NEGR1: variants seen among roughly 807,000 people sequenced by gnomAD.
The protein encoded by NEGR1 is neuronal growth regulator 1, also known as IgLON family member 4.
NEGR1 carries 10 observed loss-of-function variants against 40.9 expected under a neutral mutation model. The ratio of observed to expected loss-of-function variants is 0.24; its 90% CI spans 0.15 to 0.42. NEGR1 has a LOEUF of 0.42. Ranked by LOEUF, NEGR1 falls within the 10% of genes least tolerant of loss-of-function variation. NEGR1 has a pLI of 1.00. For missense variants in NEGR1, 352 were observed against 438.9 expected (o/e 0.80, Z 1.77); for synonymous variants, 185 against 166.8 (o/e 1.11, Z -0.84).
At chr1:72,275,139 CG>C (rs1265497942) in intron 1 of NEGR1, 14 of 723,996 alleles carry the variant, frequency 1.9e-5, no homozygotes, top group Non-Finnish European at 3.3e-5. Flanking sequence ...CCCGCACGTA[CG>C]ATGCCACCCA....
intron 1 of NEGR1, among the ~76,000 whole-genome samples, chr1:72,078,452 C>T (rs1647843561): frequency 6.6e-6 from 1 of 151,994 alleles, no homozygotes; most frequent in South Asian, 2.1e-4. Flanking sequence ...TACAAACACT[C>T]TAACCTTGAA....
At chr1:71,671,165 A>G (rs983617792) in intron 4 of NEGR1, among the ~76,000 whole-genome samples, 1 of 152,200 alleles carries the variant, frequency 6.6e-6, no homozygotes. Flanking sequence ...TGATGGGACA[A>G]TATGATAGGG....
chr1:71,719,778 G>GC (rs992400432), intron 3 of NEGR1, among the ~76,000 whole-genome samples: 1 of 151,764 alleles, frequency 6.6e-6, no homozygotes, highest in Non-Finnish European at 1.5e-5. Flanking sequence ...CCTCCCCCAG[G>GC]CCCCCACCCC....
At chr1:72,261,422 A>C (rs1048101523) in intron 1 of NEGR1, among the ~76,000 whole-genome samples, 6 of 152,254 alleles carry the variant, frequency 3.9e-5, no homozygotes, top group Middle Eastern at 6.8e-3. Flanking sequence ...GGTTTAAAGA[A>C]ATACTTCTCA....
At chr1:71,766,172 CAA>C (rs35894619) in intron 3 of NEGR1, among the ~76,000 whole-genome samples, 15,640 of 109,996 alleles carry the variant, frequency 0.14, 864 homozygotes, top group Non-Finnish European at 0.19. Flanking sequence ...GACTCCGTCT[CAA>C]AAAAAAAAAA....
intron 1 of NEGR1, among the ~76,000 whole-genome samples, chr1:72,234,221 C>T (rs903198534): frequency 3.9e-5 from 6 of 151,966 alleles, no homozygotes; most frequent in African/African-American, 1.2e-4. Context: ...CACTAGTAAG[C>T]GAGAACATGG....
At chr1:71,592,447 T>C (rs1350859683) in intron 6 of NEGR1, among the ~76,000 whole-genome samples, 1 of 152,130 alleles carries the variant, frequency 6.6e-6, no homozygotes, top group Admixed American at 6.6e-5. Flanking sequence ...AAGAGTAAAT[T>C]CAAGCCATGT....
intron 4 of NEGR1, 180 bp downstream of exon 4, chr1:71,697,828 A>T: frequency 1.7e-6 from 1 of 589,802 alleles, no homozygotes. Flanking sequence ...TACTTGGGAC[A>T]ATTGTTGTTA....
intron 1 of NEGR1, among the ~76,000 whole-genome samples, chr1:72,206,405 G>C (rs1381335486): frequency 6.6e-6 from 1 of 152,092 alleles, no homozygotes. Flanking sequence ...AAAGTTCATT[G>C]TAAGTATTCA....
At chr1:71,820,359 G>A (rs1167556968) in intron 2 of NEGR1, among the ~76,000 whole-genome samples, 1 of 151,960 alleles carries the variant, frequency 6.6e-6, no homozygotes, top group African/African-American at 2.4e-5. Context: ...TGAAGATGTG[G>A]CACTGACTAG....
chr1:71,756,469 T>C (rs1022456741), intron 3 of NEGR1, among the ~76,000 whole-genome samples: 1 of 149,742 alleles, frequency 6.7e-6, no homozygotes, highest in South Asian at 2.1e-4. Flanking sequence ...ACAGCGAGGG[T>C]TGAGAAGCCA....
At chr1:71,457,132 C>A (rs944384300) in intron 6 of NEGR1, among the ~76,000 whole-genome samples, 4 of 152,146 alleles carry the variant, frequency 2.6e-5, no homozygotes, top group African/African-American at 7.2e-5. Context: ...ATTCACAAGG[C>A]ATCTCACTTC....
At chr1:72,197,101 C>T (rs959347847) in intron 1 of NEGR1, among the ~76,000 whole-genome samples, 1 of 151,830 alleles carries the variant, frequency 6.6e-6, no homozygotes, top group Non-Finnish European at 1.5e-5. Flanking sequence ...GAAGAATACA[C>T]AAAGAGTTAT....
chr1:71,925,991 T>C (rs1264788369), intron 2 of NEGR1, among the ~76,000 whole-genome samples: 3 of 152,120 alleles, frequency 2.0e-5, no homozygotes, highest in African/African-American at 7.2e-5. Flanking sequence ...AGGCAACAAA[T>C]ATAACCACTT....
At chr1:72,033,079 A>G (rs1646873315) in intron 1 of NEGR1, among the ~76,000 whole-genome samples, 1 of 152,156 alleles carries the variant, frequency 6.6e-6, no homozygotes, top group African/African-American at 2.4e-5. Context: ...TTACTCACAG[A>G]ATCAAAATTT....
intron 2 of NEGR1, among the ~76,000 whole-genome samples, chr1:71,917,065 T>G (rs1661605415): frequency 6.6e-6 from 1 of 152,178 alleles, no homozygotes; most frequent in African/African-American, 2.4e-5. Context: ...GTGTCAATGC[T>G]CATTGTTTTA....
chr1:71,778,243 A>G (rs1323634629), intron 2 of NEGR1, among the ~76,000 whole-genome samples: 1 of 152,124 alleles, frequency 6.6e-6, no homozygotes, highest in Non-Finnish European at 1.5e-5. Flanking sequence ...TGGTTCAATT[A>G]TAATGTTTTT....
chr1:72,176,158 A>G (rs78361307), intron 1 of NEGR1, among the ~76,000 whole-genome samples: 6 of 152,200 alleles, frequency 3.9e-5, no homozygotes, highest in African/African-American at 1.2e-4. Flanking sequence ...CTTTTTTCCT[A>G]TGATATTTTT....
intron 6 of NEGR1, among the ~76,000 whole-genome samples, chr1:71,501,052 A>G (rs973875564): frequency 8.5e-5 from 13 of 152,100 alleles, no homozygotes; most frequent in African/African-American, 3.1e-4. Flanking sequence ...AAATTGTCAC[A>G]GATTTTGTCT....
Sources: allele counts gnomAD v4.1 joint callset (sites outside exome capture counted in the v4.1 genomes callset), GRCh38; gene constraint gnomAD v4.1.1; transcripts MANE v1.5; gene names NCBI Gene and HGNC (gene_info 2026-07-23, HGNC 2026-07-21).